The following MDFIC variants were observed in gnomAD, a reference collection of about 807,000 sequenced individuals.
MDFIC encodes the protein MyoD family inhibitor domain containing, also known as myoD family inhibitor domain-containing protein.
In MDFIC, 17 loss-of-function variants were observed where a neutral mutation model predicts 23.2. That is an observed-to-expected ratio of 0.73 (90% CI 0.50 to 1.10). The LOEUF (loss-of-function observed/expected upper bound fraction) is 1.10, where lower values mean the gene tolerates loss of function less well. Among genes scored for constraint, MDFIC ranks in the 50% least tolerant of loss-of-function variants. The pLI is 0.00. For synonymous variants in MDFIC, 120 were observed against 115.2 expected (o/e 1.04, Z -0.27); for missense variants, 356 against 316.6 (o/e 1.12, Z -0.95).
intron 3 of MDFIC, among the ~76,000 whole-genome samples, chr7:114,944,762 T>C (rs533701304): frequency 4.1e-4 from 62 of 152,330 alleles, no homozygotes; most frequent in Non-Finnish European, 7.1e-4. Context: ...GAAACTCTTT[T>C]GTAATAACAA....
chr7:115,001,673 G>A (rs554787372), intron 4 of MDFIC, among the ~76,000 whole-genome samples: 1 of 152,136 alleles, frequency 6.6e-6, no homozygotes, highest in African/African-American at 2.4e-5. Context: ...CCAGTGTGCT[G>A]GAGTTTGTAG....
intron 2 of MDFIC, among the ~76,000 whole-genome samples, chr7:114,927,304 G>A (rs1359498815): frequency 2.1e-5 from 3 of 143,496 alleles, no homozygotes. Context: ...ATGTTATAGT[G>A]ATAGACTTTT....
chr7:114,977,160 A>G (rs2115947181), intron 3 of MDFIC, among the ~76,000 whole-genome samples: 1 of 152,354 alleles, frequency 6.6e-6, no homozygotes, highest in East Asian at 1.9e-4. Context: ...AAAAGCTGTG[A>G]TATATAGCTT....
At chr7:114,945,288 G>A (rs1045253930) in intron 3 of MDFIC, among the ~76,000 whole-genome samples, 2 of 152,172 alleles carry the variant, frequency 1.3e-5, no homozygotes, top group South Asian at 4.1e-4. Flanking sequence ...TGGAAAGTCA[G>A]GGAGTGGCTG....
At chr7:114,966,597 C>T (rs1017192392) in intron 3 of MDFIC, among the ~76,000 whole-genome samples, 2 of 152,034 alleles carry the variant, frequency 1.3e-5, no homozygotes, top group African/African-American at 4.8e-5. Context: ...ACTACAGCTC[C>T]CACCAACAAT....
chr7:114,938,665 G>A (rs1255561935), intron 2 of MDFIC, among the ~76,000 whole-genome samples: 1 of 152,184 alleles, frequency 6.6e-6, no homozygotes, highest in African/African-American at 2.4e-5. Context: ...CCCCTTTTAA[G>A]AGAAAATTGC....
intron 3 of MDFIC, among the ~76,000 whole-genome samples, chr7:114,962,208 G>C (rs1793007791): frequency 6.6e-6 from 1 of 152,112 alleles, no homozygotes; most frequent in African/African-American, 2.4e-5. Flanking sequence ...TTCAACCTCT[G>C]TGTTTCTCAA....
At chr7:114,978,894 T>A (rs140766662) in intron 3 of MDFIC, among the ~76,000 whole-genome samples, 1 of 152,190 alleles carries the variant, frequency 6.6e-6, no homozygotes, top group South Asian at 2.1e-4. Context: ...TTGGTAGATA[T>A]GTTTTATTAA....
chr7:115,009,324 C>A (rs1050979566), intron 4 of MDFIC, among the ~76,000 whole-genome samples: 9 of 152,122 alleles, frequency 5.9e-5, no homozygotes, highest in Admixed American at 1.3e-4. Flanking sequence ...TATCTCTGTT[C>A]CAAGAAATTC....
intron 2 of MDFIC, chr7:114,923,615 A>G: frequency 1.4e-6 from 2 of 1,466,298 alleles, no homozygotes; most frequent in Non-Finnish European, 9.0e-7. Context: ...TGTTTTCAAT[A>G]ACTGGTTTGT....
chr7:114,939,205 G>T (rs1792492105), intron 2 of MDFIC, among the ~76,000 whole-genome samples: 1 of 152,126 alleles, frequency 6.6e-6, no homozygotes, highest in African/African-American at 2.4e-5. Context: ...ACAGTCAAGT[G>T]GTCACAGAAG....
intron 4 of MDFIC, among the ~76,000 whole-genome samples, chr7:115,001,119 T>C (rs1791458893): frequency 6.6e-6 from 1 of 152,208 alleles, no homozygotes; most frequent in Non-Finnish European, 1.5e-5. Context: ...TAAAATTGAA[T>C]AATTATTAAG....
At chr7:114,974,298 TA>T (rs398111742) in intron 3 of MDFIC, among the ~76,000 whole-genome samples, 7 of 92 alleles carry the variant, frequency 0.076, no homozygotes, top group African/African-American at 0.086. Flanking sequence ...ATATGCATAT[TA>T]TATATATATA....
At chr7:114,998,881 G>T (rs565202308) in intron 4 of MDFIC, among the ~76,000 whole-genome samples, 43 of 152,054 alleles carry the variant, frequency 2.8e-4, no homozygotes, top group Non-Finnish European at 5.0e-4. Flanking sequence ...GGAACAAAAG[G>T]GTACCACTTA....
At chr7:114,972,440 G>C (rs1344107427) in intron 3 of MDFIC, among the ~76,000 whole-genome samples, 1 of 151,950 alleles carries the variant, frequency 6.6e-6, no homozygotes, top group Non-Finnish European at 1.5e-5. Context: ...GGGATTGTTG[G>C]GTCACCCATC....
intron 2 of MDFIC, among the ~76,000 whole-genome samples, chr7:114,932,587 AG>A (rs978992305): frequency 9.2e-5 from 14 of 152,216 alleles, no homozygotes; most frequent in African/African-American, 3.1e-4. Context: ...GATAGGTGTC[AG>A]GGCTAGTAAA....
At chr7:114,989,462 A>T (rs568809675) in intron 4 of MDFIC, among the ~76,000 whole-genome samples, 1 of 152,260 alleles carries the variant, frequency 6.6e-6, no homozygotes, top group South Asian at 2.1e-4. Flanking sequence ...TAAGATAGGA[A>T]CAATTTCAGT....
intron 2 of MDFIC, among the ~76,000 whole-genome samples, chr7:114,942,023 A>G (rs1164263109): frequency 6.6e-6 from 1 of 152,124 alleles, no homozygotes; most frequent in Non-Finnish European, 1.5e-5. Flanking sequence ...TGTTAAAATT[A>G]CTTGTTTACT....
intron 4 of MDFIC, among the ~76,000 whole-genome samples, chr7:114,988,007 A>G (rs969713835): frequency 6.6e-5 from 10 of 152,240 alleles, no homozygotes; most frequent in African/African-American, 2.2e-4. Context: ...ATATTGAAAC[A>G]TAGAGATAAC....
Sources: gnomAD v4.1 joint callset for allele counts (sites outside exome capture counted in the v4.1 genomes callset) on GRCh38, gnomAD v4.1.1 for gene constraint, MANE v1.5 for transcripts, NCBI Gene and HGNC (gene_info 2026-07-23, HGNC 2026-07-21) for gene names.